Variants in RBPJ observed in about 807,000 individuals in gnomAD.
RBPJ encodes the protein recombining binding protein suppressor of hairless.
A neutral mutation model predicts 67.8 loss-of-function variants in RBPJ; 9 were observed. That is an observed-to-expected ratio of 0.13 (90% CI 0.08 to 0.23). The LOEUF (loss-of-function observed/expected upper bound fraction) is 0.23. Ranked by LOEUF, RBPJ falls within the 10% of genes least tolerant of loss-of-function variation. The pLI is 1.00. For missense variants in RBPJ, 305 were observed against 595.6 expected, an observed-to-expected ratio of 0.51 and a Z score of 5.08; for synonymous variants, 198 against 203.3, an observed-to-expected ratio of 0.97 and a Z score of 0.22.
At chr4:26,270,358 AAAGAAAGAAAGAAAGAAAG>A (rs1720840942) in intron 1 of RBPJ, among the ~76,000 whole-genome samples, 15 of 14,648 alleles carry the variant, frequency 1.0e-3, no homozygotes, top group African/African-American at 4.1e-3. Context: ...AGAGCAAGAG[AAAGAAAGAAAGAAAGAAAG>A]AAAGAAAGAA....
At chr4:26,266,090 ATTCCAT>A (rs1560235880) in intron 1 of RBPJ, among the ~76,000 whole-genome samples, 1 of 152,062 alleles carries the variant, frequency 6.6e-6, no homozygotes. Context: ...TTTCCCTTAA[ATTCCAT>A]ACTTTGGGGT....
At chr4:26,400,163 A>AT (rs1732624237) in intron 2 of RBPJ, among the ~76,000 whole-genome samples, 1 of 152,154 alleles carries the variant, frequency 6.6e-6, no homozygotes, top group African/African-American at 2.4e-5. Flanking sequence ...GTATTTTTTA[A>AT]TTAAAAAAAA....
chr4:26,345,088 T>C (rs1725995298), intron 1 of RBPJ, among the ~76,000 whole-genome samples: 1 of 152,210 alleles, frequency 6.6e-6, no homozygotes, highest in Admixed American at 6.5e-5. Flanking sequence ...ATGAGGATTT[T>C]TGTGCACATT....
chr4:26,257,048 A>G (rs1443291392), intron 1 of RBPJ, among the ~76,000 whole-genome samples: 2 of 152,230 alleles, frequency 1.3e-5, no homozygotes. Flanking sequence ...TAACTGAGAC[A>G]CTGCTTCAGG....
At chr4:26,393,465 C>G (rs1334097148) in intron 2 of RBPJ, among the ~76,000 whole-genome samples, 2 of 152,150 alleles carry the variant, frequency 1.3e-5, no homozygotes, top group Admixed American at 6.5e-5. Flanking sequence ...ACCTCCGCCT[C>G]CCAGGTTCAA....
intron 3 of RBPJ, among the ~76,000 whole-genome samples, chr4:26,414,879 G>A (rs1283202930): frequency 1.3e-5 from 2 of 152,160 alleles, no homozygotes; most frequent in African/African-American, 2.4e-5. Flanking sequence ...GGTGTTCCAA[G>A]TGTGTATAAA....
intron 3 of RBPJ, among the ~76,000 whole-genome samples, chr4:26,414,946 G>C (rs1249535814): frequency 6.6e-6 from 1 of 152,030 alleles, no homozygotes; most frequent in Non-Finnish European, 1.5e-5. Flanking sequence ...ATGTATTTTT[G>C]GCTCTTTTGC....
chr4:26,291,028 A>G (rs1165973093), intron 1 of RBPJ, among the ~76,000 whole-genome samples: 4 of 151,064 alleles, frequency 2.6e-5, no homozygotes, highest in Non-Finnish European at 5.9e-5. Context: ...GTATTCACTT[A>G]GAAGGCTTTG....
chr4:26,392,784 AATAAGTGTATTTTACTAT>A (rs1459552713), intron 2 of RBPJ, among the ~76,000 whole-genome samples: 1 of 152,194 alleles, frequency 6.6e-6, no homozygotes, highest in Admixed American at 6.5e-5. Flanking sequence ...GCACACTTTA[AATAAGTGTATTTTACTAT>A]ATTTCAATTA....
intron 1 of RBPJ, among the ~76,000 whole-genome samples, chr4:26,363,267 G>A (rs1728262801): frequency 6.6e-6 from 1 of 152,066 alleles, no homozygotes; most frequent in Non-Finnish European, 1.5e-5. Flanking sequence ...AGCTTCCTGA[G>A]TAGCTGGAAC....
At chr4:26,382,585 C>G (rs1250036617) in intron 1 of RBPJ, among the ~76,000 whole-genome samples, 1 of 152,082 alleles carries the variant, frequency 6.6e-6, no homozygotes, top group African/African-American at 2.4e-5. Context: ...TCCTGTTGCC[C>G]AGGCTGGAGT....
chr4:26,182,731 T>C (rs1465900633), intron 1 of RBPJ, among the ~76,000 whole-genome samples: 1 of 152,034 alleles, frequency 6.6e-6, no homozygotes, highest in Non-Finnish European at 1.5e-5. Flanking sequence ...ACTCCTCAGC[T>C]CAAACGATCC....
At chr4:26,348,736 C>G (rs1021013248) in intron 1 of RBPJ, among the ~76,000 whole-genome samples, 5 of 151,948 alleles carry the variant, frequency 3.3e-5, no homozygotes, top group African/African-American at 7.3e-5. Flanking sequence ...CAAGGTCTCA[C>G]TTTATCACTC....
At chr4:26,257,271 T>G (rs1720371262) in intron 1 of RBPJ, among the ~76,000 whole-genome samples, 1 of 152,248 alleles carries the variant, frequency 6.6e-6, no homozygotes, top group South Asian at 2.1e-4. Context: ...AGCAAGTTAT[T>G]GAATCCTCAG....
At chr4:26,380,648 C>G (rs1730224014) in intron 1 of RBPJ, among the ~76,000 whole-genome samples, 1 of 151,938 alleles carries the variant, frequency 6.6e-6, no homozygotes, top group Admixed American at 6.6e-5. Context: ...TTTCTCCAAT[C>G]AATTGCTGCT....
chr4:26,353,000 TC>T (rs1726966435), intron 1 of RBPJ, among the ~76,000 whole-genome samples: 1 of 152,196 alleles, frequency 6.6e-6, no homozygotes, highest in African/African-American at 2.4e-5. Context: ...GTGTAACAAT[TC>T]CTAAAAAATC....
In RBPJ at chr4:26,424,492, G is replaced by A; in HGVS notation, c.634+13G>A. On this transcript the variant is annotated intron_variant, in intron 6 of 10. Transcript: ENST00000355476. This position sits in a 1 kb window ranked among gnomAD's most constrained non-coding sequence, Gnocchi z 5.3. ...TTTATTCATCTCTGTGAGTATAAAA[G>A]TGTGCATTTAATGTTTTTAGTGTGA... 1 of 1,612,550 alleles carries A rather than the reference G, an allele frequency of 6.2e-7. No individual in the cohort carries two copies. Among genetic ancestry groups the A allele is most frequent in the Non-Finnish European group, 8.5e-7 (1 of 1,179,374 alleles).
Position 26,403,831 on chromosome 4 carries a change from T to A in RBPJ, c.60-2344T>A, listed in dbSNP as rs532687820. 3.3e-5 allele frequency among the ~76,000 whole-genome samples: 5 copies of A among 152,266 alleles called. 1 individual carries two copies. The South Asian group carries it at 1.0e-3, about 32-fold the overall frequency. On this transcript the variant is annotated intron_variant, in intron 2 of 10. Transcript: ENST00000355476. ...TCCATGTCATTGCTATTGCAAATAGTGCTGCAATGAACATTCCTGTGCATG... is the reference window on the plus strand; with the variant it reads ...TCCATGTCATTGCTATTGCAAATAGAGCTGCAATGAACATTCCTGTGCATG...
At chr4:26,221,974 C>A (rs931052614) in intron 1 of RBPJ, among the ~76,000 whole-genome samples, 5 of 152,012 alleles carry the variant, frequency 3.3e-5, no homozygotes, top group African/African-American at 4.8e-5. Flanking sequence ...AGTGAGGAGA[C>A]GAACTGAGAG....
Sources: gnomAD v4.1 joint callset for allele counts (sites outside exome capture counted in the v4.1 genomes callset) on GRCh38, gnomAD v4.1.1 for gene constraint, Gnocchi (gnomAD v3.1) non-coding constraint, MANE v1.5 for transcripts, NCBI Gene and HGNC (gene_info 2026-07-23, HGNC 2026-07-21) for gene names.